Variants in HERC2 observed in about 807,000 individuals in gnomAD.
HERC2 encodes the protein E3 ubiquitin-protein ligase HERC2.
HERC2 carries 102 observed loss-of-function variants against 537.7 expected under a neutral mutation model. The observed-to-expected ratio is 0.19, with a 90% CI of 0.16 to 0.22. The LOEUF (loss-of-function observed/expected upper bound fraction) is 0.22. Ranked by LOEUF, HERC2 falls within the 10% of genes least tolerant of loss-of-function variation. The pLI, the probability that HERC2 is intolerant of heterozygous loss-of-function variation, is 1.00. For synonymous variants in HERC2, 2,224 were observed against 2,466.2 expected (o/e 0.90, Z 2.91); for missense variants, 4,236 against 6,198.2 (o/e 0.68, Z 10.63).
At chr15:28,139,382 T>C (rs1890963356) in intron 78 of HERC2, among the ~76,000 whole-genome samples, 1 of 152,202 alleles carries the variant, frequency 6.6e-6, no homozygotes, top group African/African-American at 2.4e-5. Context: ...AGACGCTCTA[T>C]GGACACGTGG....
At position 28,215,762 on chromosome 15, in the gene HERC2, G is replaced by C; in HGVS notation, c.6069C>G (p.Ser2023Arg). The C allele has an allele frequency of 2.5e-6, 4 of 1,611,882 alleles. No individual in the cohort carries two copies. Among genetic ancestry groups the C allele is most frequent in the Non-Finnish European group, 3.4e-6 (4 of 1,179,766 alleles). ...TCCGCACAAACCCCAGCGTGCACCA[G>C]CTCCGGTGTTGCTCCCTGTACACCA... is the stretch of plus-strand genomic sequence containing the variant. ...NRLVYREQHRSWCTLGFVRSI... is the reference protein window; with the variant it reads ...NRLVYREQHRRWCTLGFVRSI... Residue 2023 changes from serine to arginine, a missense_variant, in exon 39 of 93, where the codon AGC becomes AGG. Ser to Arg is a moderately radical substitution (Grantham distance 110, BLOSUM62 -1). Transcript: ENST00000261609.
chr15:28,214,116 C>T lies in HERC2; in HGVS notation c.6515G>A (p.Arg2172His), dbSNP rs778939877. 20 of 1,614,064 alleles carry T rather than the reference C, an allele frequency of 1.2e-5. No individual in the cohort carries two copies. In the Admixed American group the frequency reaches 2.0e-4, roughly 16 times the overall value. Reference protein sequence around the residue: ...LINKYINSQLRSITHSFVGRP... With the variant: ...LINKYINSQLHSITHSFVGRP... ...TCCCACAAAGCTGTGGGTGATGGAG[C>T]GGAGCTGGGAGTTGATGTACTTGTT... The change falls in exon 41 of 93, where the codon CGC (arginine) becomes CAC (histidine). Residue 2172 changes from arginine to histidine, a missense_variant. By Grantham distance (29) the Arg-to-His change is conservative (BLOSUM62 0). This residue lies in a region of HERC2 where 365 missense variants were observed against 468.8 expected (regional missense o/e 0.78). Coordinates refer to ENST00000261609, the MANE Select transcript of HERC2 (RefSeq NM_004667.6).
intron 69 of HERC2, among the ~76,000 whole-genome samples, chr15:28,158,548 A>G (rs2142397072): frequency 6.6e-6 from 1 of 152,300 alleles, no homozygotes; most frequent in Admixed American, 6.5e-5. Flanking sequence ...ATCAGAGACT[A>G]GGATTGCAAC....
chr15:28,315,661 G>A (rs957321165), intron 2 of HERC2: 19 of 682,544 alleles, frequency 2.8e-5, no homozygotes, highest in East Asian at 8.1e-5. Context: ...GGCTCTCGGC[G>A]TTAGCGCCAT....
chr15:28,232,659 G>C (rs1902004033), intron 30 of HERC2, among the ~76,000 whole-genome samples: 1 of 151,818 alleles, frequency 6.6e-6, no homozygotes. Flanking sequence ...ATTCAAATTT[G>C]GATTTAATGC....
At chr15:28,293,656 C>CA (rs1207766468) in intron 3 of HERC2, among the ~76,000 whole-genome samples, 1 of 152,102 alleles carries the variant, frequency 6.6e-6, no homozygotes, top group Non-Finnish European at 1.5e-5. Context: ...CAGTGAGTCC[C>CA]AATGCTTGTG....
chr15:28,218,218 G>A (rs1297793515), intron 38 of HERC2, among the ~76,000 whole-genome samples: 1 of 151,860 alleles, frequency 6.6e-6, no homozygotes, highest in Non-Finnish European at 1.5e-5. Context: ...GCCGAGGAAC[G>A]CTAAAGAGAC....
At chr15:28,168,880 T>A (rs1056442847) in intron 66 of HERC2, among the ~76,000 whole-genome samples, 9 of 152,274 alleles carry the variant, frequency 5.9e-5, no homozygotes, top group Middle Eastern at 3.4e-3. Flanking sequence ...GAGAAAGAAA[T>A]CCTCTTGGGC....
intron 79 of HERC2, among the ~76,000 whole-genome samples, chr15:28,134,772 G>A (rs985655383): frequency 2.0e-5 from 3 of 148,138 alleles, no homozygotes; most frequent in Admixed American, 1.3e-4. Flanking sequence ...GCGCAATCTC[G>A]GCTCACTGCA....
chr15:28,277,189 G>C lies in HERC2; in HGVS notation c.543-2184C>G, dbSNP rs74396007. On this transcript the variant is annotated intron_variant, in intron 5 of 92. Transcript: ENST00000261609. ...GCCAGCAGTTAAGGTGGGGAGAGAA[G>C]ACGTGAATGTGGGTATAAAGGGCCC... is the stretch of plus-strand genomic sequence containing the variant. Among the ~76,000 whole-genome samples the C allele has an allele frequency of 1.9e-3, 294 of 152,290 alleles. 4 individuals carry two copies. The East Asian group carries it at 0.047, about 24-fold the overall frequency.
chr15:28,111,099 CATT>C lies in HERC2; in HGVS notation c.*661_*663del, dbSNP rs1393698781. ...AATTTAGGCATATACATGACACAAACATTATATATAGTACACTTTCCATGATAG... is the reference window on the plus strand; with the variant it reads ...AATTTAGGCATATACATGACACAAACATATATAGTACACTTTCCATGATAG... On this transcript the variant is annotated 3_prime_UTR_variant, in exon 93 of 93. Coordinates refer to ENST00000261609, the MANE Select transcript of HERC2 (RefSeq NM_004667.6). The C allele has an allele frequency of 3.3e-5, 5 of 152,172 alleles. No individual in the cohort carries two copies. The highest frequency in any genetic ancestry group is 1.2e-4 in the African/African-American group (5 of 41,428). 9.4% of individuals were successfully genotyped at this position (152,172 alleles called of 1,614,324 possible). A position where few individuals can be genotyped will look rare whatever the true frequency, so the allele number is the denominator to read the frequency against.
intron 75 of HERC2, 81 bp from the exon 76 acceptor site, chr15:28,142,474 G>A (rs549427388): frequency 9.3e-6 from 13 of 1,396,044 alleles, no homozygotes; most frequent in East Asian, 7.5e-5. Context: ...TCCTTCCGCA[G>A]GACCTCCTAT....
At chr15:28,289,073 C>T (rs2076240545) in intron 4 of HERC2, among the ~76,000 whole-genome samples, 1 of 151,540 alleles carries the variant, frequency 6.6e-6, no homozygotes, top group African/African-American at 2.4e-5. Flanking sequence ...TGAGAGTGGA[C>T]AGTGACAAGT....
chr15:28,228,696 G>A (rs1393897851), intron 34 of HERC2, among the ~76,000 whole-genome samples: 1 of 152,202 alleles, frequency 6.6e-6, no homozygotes, highest in African/African-American at 2.4e-5. Flanking sequence ...TTTTCCAGGG[G>A]TTTCCACAGA....
chr15:28,289,967 G>A (rs1269939989), intron 4 of HERC2, among the ~76,000 whole-genome samples: 1 of 151,124 alleles, frequency 6.6e-6, no homozygotes, highest in Non-Finnish European at 1.5e-5. Flanking sequence ...ACCTCAGTGA[G>A]AGGACAACAC....
chr15:28,202,535 G>A lies in HERC2; in HGVS notation c.7292C>T (p.Ser2431Phe), dbSNP rs1482232270. 1 of 1,006,204 alleles carries A rather than the reference G, an allele frequency of 9.9e-7. No individual in the cohort carries two copies. The highest frequency in any genetic ancestry group is 1.5e-6 in the Non-Finnish European group (1 of 674,506). The allele number at this position is 1,006,204 out of a possible 1,614,324, so 62.3% of individuals were successfully genotyped here. The change falls in exon 46 of 93, where the codon TCC becomes TTC. Residue 2431 changes from serine (S) to phenylalanine (F), a missense_variant. By Grantham distance (155) the Ser-to-Phe change is radical. This residue lies in a region of HERC2 where 35 missense variants were observed against 68.7 expected (regional missense o/e 0.51). Transcript: ENST00000261609. ...GGCGACAGGCGTGGTGGCCTCACTG[G>A]AGCTGCAGTCTTCAAATCCTGGGCT... ...PSSPGFEDCS[S>F]SEATTPVAVQ...
intron 83 of HERC2, 74 bp from the exon 84 acceptor site, chr15:28,125,267 C>A (rs1355493956): frequency 1.6e-6 from 2 of 1,217,936 alleles, no homozygotes; most frequent in South Asian, 1.3e-5. Context: ...TGTCTTCCCA[C>A]CACACACAGC....
In HERC2 at chr15:28,268,539, T is replaced by C. The variant is rs2075632451; in HGVS notation, c.1524A>G (p.Leu508=). The C allele has an allele frequency of 1.2e-6, 2 of 1,614,028 alleles. No individual in the cohort carries two copies. The highest frequency in any genetic ancestry group is 1.6e-4 in the Middle Eastern group (1 of 6,062). The part of the protein sequence containing the change: ...IAAHSDGHHY[L]ALAATGEVYS... ...ACACCTCTCCAGTAGCAGCCAAGGC[T>C]AGGTAGTGGTGACCATCAGAATGGG... Residue 508 remains leucine, a synonymous_variant, in exon 12 of 93, where the codon CTA becomes CTG. Coordinates refer to ENST00000261609, the MANE Select transcript of HERC2 (RefSeq NM_004667.6). This position sits in a 1 kb window ranked among gnomAD's most constrained non-coding sequence, Gnocchi z 4.7.
intron 10 of HERC2, among the ~76,000 whole-genome samples, chr15:28,270,024 C>T (rs1300056659): frequency 6.6e-6 from 1 of 152,156 alleles, no homozygotes; most frequent in Non-Finnish European, 1.5e-5. Flanking sequence ...TGCAATGGCG[C>T]GATCTTGGCT....
Sources: gnomAD v4.1 joint callset for allele counts (sites outside exome capture counted in the v4.1 genomes callset) on GRCh38, gnomAD v4.1.1 for gene constraint, gnomAD v4.1.1 regional missense constraint, Gnocchi (gnomAD v3.1) non-coding constraint, MANE v1.5 for transcripts, NCBI Gene and HGNC (gene_info 2026-07-23, HGNC 2026-07-21) for gene names.